Variants in CAMKMT observed in about 807,000 individuals in gnomAD.
CAMKMT encodes the protein calmodulin-lysine N-methyltransferase.
A neutral mutation model predicts 48.0 loss-of-function variants in CAMKMT; 53 were observed. The ratio of observed to expected loss-of-function variants is 1.10; its 90% CI spans 0.89 to 1.39. The LOEUF (loss-of-function observed/expected upper bound fraction) is 1.39. CAMKMT is among the 40% of genes most tolerant of loss of function. The pLI is 0.00. For synonymous variants in CAMKMT, 165 were observed against 152.3 expected, an observed-to-expected ratio of 1.08 and a Z score of -0.61; for missense variants, 428 against 402.7, an observed-to-expected ratio of 1.06 and a Z score of -0.54.
chr2:44,476,278 A>T (rs1668684118), intron 3 of CAMKMT, among the ~76,000 whole-genome samples: 1 of 152,000 alleles, frequency 6.6e-6, no homozygotes, highest in Admixed American at 6.5e-5. Flanking sequence ...GAAAAAAAAA[A>T]GTAGTAGGAG....
At chr2:44,375,433 A>G (rs1226934243) in intron 2 of CAMKMT, among the ~76,000 whole-genome samples, 3 of 151,884 alleles carry the variant, frequency 2.0e-5, no homozygotes, top group Non-Finnish European at 4.4e-5. Context: ...GCTGAAATAG[A>G]TAAAAGTTAA....
At chr2:44,382,451 A>G (rs1310084540) in intron 2 of CAMKMT, among the ~76,000 whole-genome samples, 6 of 150,826 alleles carry the variant, frequency 4.0e-5, no homozygotes, top group Admixed American at 6.6e-5. Context: ...TTGGTCAGTC[A>G]TATTGCAAAT....
chr2:44,761,969 A>G (rs768048004), intron 9 of CAMKMT, among the ~76,000 whole-genome samples: 6 of 152,218 alleles, frequency 3.9e-5, no homozygotes, highest in Non-Finnish European at 8.8e-5. Flanking sequence ...GGTGAAAGCT[A>G]TAGTTATAGA....
chr2:44,644,780 T>G (rs1673643297), intron 3 of CAMKMT, among the ~76,000 whole-genome samples: 1 of 152,226 alleles, frequency 6.6e-6, no homozygotes, highest in Non-Finnish European at 1.5e-5. Flanking sequence ...ATATTTTAAA[T>G]GTAATTGGTG....
At chr2:44,440,029 TG>T (rs1558616666) in intron 3 of CAMKMT, among the ~76,000 whole-genome samples, 1 of 152,146 alleles carries the variant, frequency 6.6e-6, no homozygotes, top group Non-Finnish European at 1.5e-5. Context: ...CTCCATCTCA[TG>T]GGATATGGCT....
At chr2:44,691,884 C>T (rs1676675485) in intron 3 of CAMKMT, among the ~76,000 whole-genome samples, 1 of 152,160 alleles carries the variant, frequency 6.6e-6, no homozygotes, top group Non-Finnish European at 1.5e-5. Context: ...TGCCCACCTG[C>T]CCACCATTCT....
intron 3 of CAMKMT, among the ~76,000 whole-genome samples, chr2:44,650,703 A>T (rs1395216336): frequency 6.6e-6 from 1 of 152,248 alleles, no homozygotes; most frequent in African/African-American, 2.4e-5. Context: ...TGTATGCCAA[A>T]AAAATGTACA....
At chr2:44,405,253 T>C (rs1427960979) in intron 3 of CAMKMT, among the ~76,000 whole-genome samples, 2 of 152,088 alleles carry the variant, frequency 1.3e-5, no homozygotes, top group East Asian at 1.9e-4. Context: ...AATATAGCAC[T>C]ATTTGGACTG....
At chr2:44,721,050 TTA>T (rs1678436773) in intron 7 of CAMKMT, among the ~76,000 whole-genome samples, 2 of 152,178 alleles carry the variant, frequency 1.3e-5, no homozygotes, top group South Asian at 4.1e-4. Flanking sequence ...TTTTGCAGGT[TTA>T]TCCTCTTGAG....
intron 3 of CAMKMT, among the ~76,000 whole-genome samples, chr2:44,598,869 A>G (rs1030620661): frequency 4.0e-5 from 6 of 151,428 alleles, no homozygotes; most frequent in Non-Finnish European, 4.4e-5. Context: ...CAGTACATAT[A>G]CCAAACCTCA....
intron 3 of CAMKMT, among the ~76,000 whole-genome samples, chr2:44,407,123 G>A (rs2104463653): frequency 6.6e-6 from 1 of 152,270 alleles, no homozygotes; most frequent in African/African-American, 2.4e-5. Flanking sequence ...ACTGAGTTTG[G>A]TTTTGTTGTT....
At chr2:44,736,776 A>G (rs1165496799) in intron 7 of CAMKMT, among the ~76,000 whole-genome samples, 1 of 152,084 alleles carries the variant, frequency 6.6e-6, no homozygotes, top group Non-Finnish European at 1.5e-5. Context: ...TGCGGTGTCT[A>G]ATCTGCTGTT....
intron 3 of CAMKMT, among the ~76,000 whole-genome samples, chr2:44,489,516 G>A (rs1359624440): frequency 6.6e-6 from 1 of 152,118 alleles, no homozygotes; most frequent in African/African-American, 2.4e-5. Flanking sequence ...AAAGTGCCGG[G>A]ATTACATGTG....
chr2:44,554,801 A>T (rs1297286061), intron 3 of CAMKMT, among the ~76,000 whole-genome samples: 2 of 152,148 alleles, frequency 1.3e-5, no homozygotes, highest in African/African-American at 4.8e-5. Context: ...GCTTGAGCCC[A>T]GGAGGTCAAG....
chr2:44,586,087 A>C (rs1669842084), intron 3 of CAMKMT, among the ~76,000 whole-genome samples: 1 of 152,192 alleles, frequency 6.6e-6, no homozygotes, highest in Non-Finnish European at 1.5e-5. Flanking sequence ...CAAATCGTAC[A>C]GAGGTATGTA....
At chr2:44,753,577 A>C (rs1363988638) in intron 8 of CAMKMT, among the ~76,000 whole-genome samples, 1 of 152,166 alleles carries the variant, frequency 6.6e-6, no homozygotes, top group Non-Finnish European at 1.5e-5. Flanking sequence ...ATCTAACCTC[A>C]GTGCTGTTTC....
intron 3 of CAMKMT, among the ~76,000 whole-genome samples, chr2:44,414,263 AC>A (rs1467437578): frequency 6.6e-6 from 1 of 152,198 alleles, no homozygotes; most frequent in Non-Finnish European, 1.5e-5. Context: ...GCAGCTTAAA[AC>A]AAATATTTAT....
intron 1 of CAMKMT, among the ~76,000 whole-genome samples, chr2:44,362,348 G>A (rs2104313076): frequency 6.6e-6 from 1 of 152,276 alleles, no homozygotes; most frequent in Non-Finnish European, 1.5e-5. Context: ...GGTGGGGAGC[G>A]GGACAGCCAA....
intron 3 of CAMKMT, among the ~76,000 whole-genome samples, chr2:44,572,661 G>A (rs1006434095): frequency 6.6e-6 from 1 of 151,592 alleles, no homozygotes; most frequent in Non-Finnish European, 1.5e-5. Context: ...AAGTGGAATT[G>A]GCTGTTATGA....
Sources: allele counts gnomAD v4.1 joint callset (sites outside exome capture counted in the v4.1 genomes callset), GRCh38; gene constraint gnomAD v4.1.1; transcripts MANE v1.5; gene names NCBI Gene and HGNC (gene_info 2026-07-23, HGNC 2026-07-21).